COL23A1: variants seen among roughly 807,000 people sequenced by gnomAD.
The protein encoded by COL23A1 is collagen type XXIII alpha 1 chain.
Under a neutral mutation model 99.3 loss-of-function variants are expected in COL23A1, and 97 were observed. The observed-to-expected ratio is 0.98, with a 90% confidence interval of 0.83 to 1.16. The LOEUF (loss-of-function observed/expected upper bound fraction) is 1.16. Among genes scored for constraint, COL23A1 ranks in the 50% most tolerant of loss-of-function variants. COL23A1 has a pLI of 0.00. For synonymous variants in COL23A1, 320 were observed against 308.2 expected (o/e 1.04, Z -0.40); for missense variants, 762 against 757.4 (o/e 1.01, Z -0.07).
At chr5:178,529,064 G>A (rs190978074) in intron 2 of COL23A1, among the ~76,000 whole-genome samples, 9 of 152,344 alleles carry the variant, frequency 5.9e-5, no homozygotes, top group Admixed American at 5.9e-4. Context: ...GCAGAGCTAC[G>A]GCTGAGGTCC....
intron 5 of COL23A1, among the ~76,000 whole-genome samples, chr5:178,287,324 C>G (rs1159393767): frequency 1.3e-5 from 2 of 152,232 alleles, no homozygotes. Context: ...CTCAGCCCAG[C>G]ACGGGGCCAC....
chr5:178,367,325 G>C (rs997084644), intron 2 of COL23A1, among the ~76,000 whole-genome samples: 1 of 152,162 alleles, frequency 6.6e-6, no homozygotes, highest in Non-Finnish European at 1.5e-5. Flanking sequence ...GGTGGGTCAC[G>C]CCTCTCTGTG....
At position 178,238,422 on chromosome 5, in the gene COL23A1, A is replaced by G; in HGVS notation, c.*276T>C. ...TGAAGGCCCAACGTAGCATCTTTCTAGCCTTGCCCGAGCCAGGTGCTTCTA... is the reference window on the plus strand; with the variant it reads ...TGAAGGCCCAACGTAGCATCTTTCTGGCCTTGCCCGAGCCAGGTGCTTCTA... On this transcript the variant is annotated 3_prime_UTR_variant, in exon 29 of 29. Coordinates refer to ENST00000390654, the MANE Select transcript of COL23A1 (RefSeq NM_173465.4). The G allele has an allele frequency of 2.0e-6, 1 of 511,926 alleles. No individual in the cohort carries two copies. The highest frequency in any genetic ancestry group is 3.5e-6 in the Non-Finnish European group (1 of 285,030). 31.7% of individuals were successfully genotyped at this position (511,926 alleles called of 1,614,324 possible). A position where few individuals can be genotyped will look rare whatever the true frequency, so the allele number is the denominator to read the frequency against.
rs756527516 is a variant in COL23A1 at position 178,280,592 on chromosome 5, G to A, written c.441+7732C>T. Among the ~76,000 whole-genome samples the A allele has an allele frequency of 6.6e-6, 1 of 152,066 alleles. No homozygotes were observed. Among genetic ancestry groups the A allele is most frequent in the African/African-American group, 2.4e-5 (1 of 41,394 alleles). ...TGCTTCGAAGACCTGGGCTTGGCTC[G>A]GTGACTTTGTGCAGGTCTGTGAACA... is the stretch of plus-strand genomic sequence containing the variant. On this transcript the variant is annotated intron_variant, in intron 5 of 28. Coordinates refer to ENST00000390654, the MANE Select transcript of COL23A1 (RefSeq NM_173465.4). This position sits in a 1 kb window ranked among gnomAD's most constrained non-coding sequence, Gnocchi z 4.9.
At chr5:178,561,254 C>A (rs149294634) in intron 1 of COL23A1, among the ~76,000 whole-genome samples, 247 of 152,364 alleles carry the variant, frequency 1.6e-3, no homozygotes, top group Middle Eastern at 0.014. Context: ...TTGAATCACC[C>A]TGATGAAAAC....
In COL23A1 at chr5:178,321,379, C is replaced by T. The variant is rs1339047258; in HGVS notation, c.362-14460G>A. On this transcript the variant is annotated intron_variant, in intron 2 of 28. Transcript: ENST00000390654. ...GATGACTCTGGGTATCTCATACAAG[C>T]GGAGCTCAGCAGCATTTGTCCTGTG... Among the ~76,000 whole-genome samples the T allele has an allele frequency of 3.3e-5, 5 of 151,798 alleles. No homozygotes were observed. In the East Asian group the frequency reaches 5.8e-4, roughly 18 times the overall value.
chr5:178,509,897 T>C (rs585219), intron 2 of COL23A1, among the ~76,000 whole-genome samples: 100,210 of 152,082 alleles, frequency 0.66, 34,386 homozygotes, highest in East Asian at 0.88. Flanking sequence ...TGTGTTATTA[T>C]TAAGTTTCAT....
At chr5:178,292,151 G>T (rs1190216962) in intron 3 of COL23A1, among the ~76,000 whole-genome samples, 1 of 152,038 alleles carries the variant, frequency 6.6e-6, no homozygotes, top group Non-Finnish European at 1.5e-5. Context: ...CTGCAACTAT[G>T]CCTATACCTG....
At chr5:178,512,683 T>G (rs1336774884) in intron 2 of COL23A1, among the ~76,000 whole-genome samples, 2 of 152,146 alleles carry the variant, frequency 1.3e-5, no homozygotes, top group Non-Finnish European at 2.9e-5. Flanking sequence ...GCTGGATAGG[T>G]GCAGAAGAGA....
intron 14 of COL23A1, 50 bp downstream of exon 14, chr5:178,256,816 G>A (rs768497144): frequency 6.4e-7 from 1 of 1,561,366 alleles, no homozygotes; most frequent in Non-Finnish European, 8.7e-7. Context: ...CGACTGGGTG[G>A]AGGTCTGAGC....
Position 178,242,116 on chromosome 5 carries a change from C to T in COL23A1, c.1507G>A (p.Val503Ile). The change falls in exon 27 of 29, where the codon GTC becomes ATC. Residue 503 changes from valine to isoleucine, a missense_variant. Transcript: ENST00000390654. ...SERGEKGERG[V>I]PGRKGVKGQK... ...CCCTTCACTCCTTTCCGGCCGGGGA[C>T]CCCTCGTTCTCCCTGTGCAGGAGGG... The T allele has an allele frequency of 6.4e-7, 1 of 1,553,118 alleles. No homozygotes were observed. The highest frequency in any genetic ancestry group is 8.7e-7 in the Non-Finnish European group (1 of 1,147,946).
At chr5:178,433,623 C>CCA (rs1471762588) in intron 2 of COL23A1, among the ~76,000 whole-genome samples, 1 of 152,154 alleles carries the variant, frequency 6.6e-6, no homozygotes, top group Non-Finnish European at 1.5e-5. Context: ...GGGCCCTGAG[C>CCA]CACCAGTCAC....
chr5:178,327,051 AATGACTTTAT>A (rs1366342800), intron 2 of COL23A1, among the ~76,000 whole-genome samples: 1 of 152,180 alleles, frequency 6.6e-6, no homozygotes, highest in Non-Finnish European at 1.5e-5. Flanking sequence ...GGGGTGAATG[AATGACTTTAT>A]TCATCCAGAC....
At chr5:178,381,669 T>C (rs774291326) in intron 2 of COL23A1, among the ~76,000 whole-genome samples, 1 of 152,190 alleles carries the variant, frequency 6.6e-6, no homozygotes, top group Non-Finnish European at 1.5e-5. Context: ...AGGGTCTTGC[T>C]GTGTCGCCTA....
intron 2 of COL23A1, among the ~76,000 whole-genome samples, chr5:178,507,711 C>T (rs942442128): frequency 1.3e-5 from 2 of 152,188 alleles, no homozygotes; most frequent in Admixed American, 1.3e-4. Flanking sequence ...ATTGCTGTCT[C>T]CCCATAAGTA....
chr5:178,435,916 G>C (rs966043397), intron 2 of COL23A1, among the ~76,000 whole-genome samples: 3 of 152,194 alleles, frequency 2.0e-5, no homozygotes, highest in Admixed American at 2.0e-4. Flanking sequence ...TTTTAGGACT[G>C]TTTGACTCTT....
At chr5:178,360,085 G>A (rs924844382) in intron 2 of COL23A1, among the ~76,000 whole-genome samples, 9 of 152,172 alleles carry the variant, frequency 5.9e-5, no homozygotes, top group Admixed American at 3.9e-4. Flanking sequence ...GGTCCCATAA[G>A]CTTCTCAAAT....
At chr5:178,323,460 C>T (rs1032776269) in intron 2 of COL23A1, among the ~76,000 whole-genome samples, 3 of 152,172 alleles carry the variant, frequency 2.0e-5, no homozygotes, top group African/African-American at 7.2e-5. Context: ...TTGGTCTCCC[C>T]AGACACAAGC....
chr5:178,412,551 C>G (rs961190593), intron 2 of COL23A1, among the ~76,000 whole-genome samples: 4 of 152,110 alleles, frequency 2.6e-5, no homozygotes, highest in African/African-American at 9.7e-5. Flanking sequence ...CTTCTCTACC[C>G]CTTCCTTAAT....
Sources: allele counts gnomAD v4.1 joint callset (sites outside exome capture counted in the v4.1 genomes callset), GRCh38; gene constraint gnomAD v4.1.1; non-coding constraint Gnocchi (gnomAD v3.1); transcripts MANE v1.5; gene names NCBI Gene and HGNC (gene_info 2026-07-23, HGNC 2026-07-21).